The following TENM2 variants were observed in gnomAD, a reference collection of about 807,000 sequenced individuals.
TENM2 encodes the protein teneurin-2.
TENM2 carries 52 observed loss-of-function variants against 245.2 expected under a neutral mutation model. The observed-to-expected ratio is 0.21, with a 90% confidence interval of 0.17 to 0.27. The LOEUF is 0.27. TENM2 is among the 10% of genes least tolerant of loss of function. TENM2 has a pLI of 1.00. For missense variants in TENM2, 3,046 were observed against 3,666.8 expected (o/e 0.83, Z 4.37); for synonymous variants, 1,363 against 1,438.9 (o/e 0.95, Z 1.19).
chr5:168,096,966 AC>A (rs1793422196), intron 8 of TENM2, among the ~76,000 whole-genome samples: 1 of 152,220 alleles, frequency 6.6e-6, no homozygotes, highest in African/African-American at 2.4e-5. Context: ...TTGAGAGTAC[AC>A]ATAGAAAGGT....
At chr5:167,751,624 G>GTTTGT (rs1761964776) in intron 2 of TENM2, among the ~76,000 whole-genome samples, 4 of 152,084 alleles carry the variant, frequency 2.6e-5, no homozygotes, top group Admixed American at 1.3e-4. Context: ...GTGGCCTGAG[G>GTTTGT]TTTGTTTTGT....
intron 5 of TENM2, among the ~76,000 whole-genome samples, chr5:168,003,407 A>C (rs1036600246): frequency 1.3e-5 from 2 of 151,874 alleles, no homozygotes. Context: ...TAATACCAAA[A>C]AGGGTGGGAT....
At chr5:167,462,784 G>T (rs980700659) in intron 2 of TENM2, among the ~76,000 whole-genome samples, 1 of 151,780 alleles carries the variant, frequency 6.6e-6, no homozygotes, top group African/African-American at 2.4e-5. Context: ...GCGCGTAGAG[G>T]GCCAAAAGGC....
At chr5:167,217,943 T>C in the TENM2 span, among the ~76,000 whole-genome samples, 1 of 151,894 alleles carries the variant, frequency 6.6e-6, no homozygotes, top group African/African-American at 2.4e-5. Context: ...CAGGTCTCAA[T>C]CTTCACAGTT....
intron 2 of TENM2, among the ~76,000 whole-genome samples, chr5:167,436,867 A>T (rs1390683468): frequency 1.3e-5 from 2 of 152,218 alleles, no homozygotes; most frequent in African/African-American, 4.8e-5. Context: ...GAAGTCAAGA[A>T]TTGAGGTTTG....
At chr5:167,118,226 T>C in the TENM2 span, among the ~76,000 whole-genome samples, 9 of 152,204 alleles carry the variant, frequency 5.9e-5, no homozygotes, top group Admixed American at 5.9e-4. Flanking sequence ...AAATGAAGTT[T>C]CTCTTGGAGT....
chr5:168,150,065 C>T (rs1756503209), intron 12 of TENM2, among the ~76,000 whole-genome samples: 2 of 152,180 alleles, frequency 1.3e-5, no homozygotes, highest in African/African-American at 2.4e-5. Context: ...CCCTACATTT[C>T]CCTAAAGCAG....
chr5:167,191,410 A>T, the TENM2 span, among the ~76,000 whole-genome samples: 1 of 151,964 alleles, frequency 6.6e-6, no homozygotes, highest in Non-Finnish European at 1.5e-5. Context: ...TGTGGCTAGG[A>T]CACATGTGTG....
At chr5:167,037,376 C>T in the TENM2 span, among the ~76,000 whole-genome samples, 1 of 152,196 alleles carries the variant, frequency 6.6e-6, no homozygotes, top group Non-Finnish European at 1.5e-5. Context: ...CTTAACTGAT[C>T]TCAGGTCCTA....
chr5:167,312,353 A>G (rs951954485), intron 1 of TENM2, among the ~76,000 whole-genome samples: 2 of 152,188 alleles, frequency 1.3e-5, no homozygotes, highest in Non-Finnish European at 2.9e-5. Flanking sequence ...AATGCTTTAT[A>G]GCAATCTGGT....
At chr5:167,378,978 T>G (rs1321801979) in intron 2 of TENM2, among the ~76,000 whole-genome samples, 1 of 149,408 alleles carries the variant, frequency 6.7e-6, no homozygotes, top group African/African-American at 2.5e-5. Flanking sequence ...TGGTATGAAA[T>G]AGGAAGCTAG....
Position 167,615,919 on chromosome 5 carries a change from G to A in TENM2, c.502+240446G>A, listed in dbSNP as rs150591119. Among the ~76,000 whole-genome samples, 87 of 152,032 alleles carry A rather than the reference G, an allele frequency of 5.7e-4. 1 individual carries two copies. The highest frequency in any genetic ancestry group is 2.0e-3 in the African/African-American group (82 of 41,476). Reference sequence around the variant, plus strand: ...CTCCTAAGAAATATTTGAACAAAAGGCCATTAGATAGAATTTTAGCTTCCA... The same window carrying A: ...CTCCTAAGAAATATTTGAACAAAAGACCATTAGATAGAATTTTAGCTTCCA... On this transcript the variant is annotated intron_variant, in intron 2 of 28. Coordinates refer to ENST00000518659, the Ensembl canonical transcript of TENM2.
intron 5 of TENM2, among the ~76,000 whole-genome samples, chr5:167,997,846 AG>A (rs1784167745): frequency 6.6e-6 from 1 of 152,184 alleles, no homozygotes; most frequent in South Asian, 2.1e-4. Flanking sequence ...TTATTTCCTA[AG>A]AATACCTTTC....
chr5:167,836,024 A>T (rs1768957214), intron 2 of TENM2, among the ~76,000 whole-genome samples: 1 of 152,232 alleles, frequency 6.6e-6, no homozygotes, highest in Admixed American at 6.5e-5. Context: ...ACTACATTTT[A>T]AAATTAAGAA....
intron 2 of TENM2, among the ~76,000 whole-genome samples, chr5:167,854,422 C>A (rs544515862): frequency 4.6e-5 from 7 of 152,192 alleles, no homozygotes; most frequent in African/African-American, 1.4e-4. Context: ...ATATGTGCTG[C>A]GTCTTCTTGC....
chr5:167,473,644 A>C (rs1335364626), intron 2 of TENM2, among the ~76,000 whole-genome samples: 1 of 152,182 alleles, frequency 6.6e-6, no homozygotes, highest in Non-Finnish European at 1.5e-5. Context: ...CAGATCGTAG[A>C]AGTGTTATTG....
chr5:167,762,176 C>A (rs965309351), intron 2 of TENM2, among the ~76,000 whole-genome samples: 1 of 152,182 alleles, frequency 6.6e-6, no homozygotes, highest in African/African-American at 2.4e-5. Flanking sequence ...TAAACACACA[C>A]GTGCACGTGC....
rs148939712 is a variant in TENM2 at position 167,471,766 on chromosome 5, C to T, written c.502+96293C>T. 8.8e-4 allele frequency among the ~76,000 whole-genome samples: 134 copies of T among 152,174 alleles called. 1 individual carries two copies. The highest frequency in any genetic ancestry group is 3.0e-3 in the African/African-American group (126 of 41,516). ...CAGAAGTATGGTATCTACATCAGTG[C>T]AAAAAGTCAAGAGAGGCTTTACGTT... On this transcript the variant is annotated intron_variant, in intron 2 of 28. Coordinates refer to ENST00000518659, the Ensembl canonical transcript of TENM2.
At chr5:167,163,568 T>C in the TENM2 span, among the ~76,000 whole-genome samples, 1 of 152,006 alleles carries the variant, frequency 6.6e-6, no homozygotes, top group African/African-American at 2.4e-5. Context: ...GACTTCTGTA[T>C]CCTATCCTTT....
Sources: allele counts gnomAD v4.1 joint callset (sites outside exome capture counted in the v4.1 genomes callset), GRCh38; gene constraint gnomAD v4.1.1; transcripts MANE v1.5; gene names NCBI Gene and HGNC (gene_info 2026-07-23, HGNC 2026-07-21).